SEMA3F: variants seen among roughly 807,000 people sequenced by gnomAD.
The protein encoded by SEMA3F is semaphorin 3F, also known as semaphorin-3F.
In SEMA3F, 30 loss-of-function variants were observed where a neutral mutation model predicts 98.5. That is an observed-to-expected ratio of 0.30 (90% CI 0.23 to 0.41). The LOEUF (loss-of-function observed/expected upper bound fraction) is 0.41, where lower values mean the gene tolerates loss of function less well. Among genes scored for constraint, SEMA3F ranks in the 10% least tolerant of loss-of-function variants. SEMA3F has a pLI of 1.00. For synonymous variants in SEMA3F, 380 were observed against 444.8 expected, an observed-to-expected ratio of 0.85 and a Z score of 1.83; for missense variants, 866 against 1,119.3, an observed-to-expected ratio of 0.77 and a Z score of 3.23.
At chr3:50,164,405 A>C (rs1698327809) in intron 2 of SEMA3F, among the ~76,000 whole-genome samples, 1 of 152,238 alleles carries the variant, frequency 6.6e-6, no homozygotes, top group Non-Finnish European at 1.5e-5. Flanking sequence ...TTCACCCTGC[A>C]GCTTGGGAGA....
chr3:50,171,468 G>A (rs542480809), intron 2 of SEMA3F, among the ~76,000 whole-genome samples: 78 of 152,214 alleles, frequency 5.1e-4, no homozygotes, highest in East Asian at 1.7e-3. Context: ...CGGAGTGCCC[G>A]TGTCTGAAGG....
At chr3:50,173,736 G>A in intron 2 of SEMA3F, 57 bp from the exon 3 acceptor site, 2 of 1,505,368 alleles carry the variant, frequency 1.3e-6, no homozygotes, top group Non-Finnish European at 1.8e-6. Flanking sequence ...TATCAGAGGG[G>A]GTATGGCTGG....
chr3:50,185,536 G>C lies in SEMA3F; in HGVS notation c.1545+5G>C. 1 of 1,613,714 alleles carries C rather than the reference G, an allele frequency of 6.2e-7. No homozygotes were observed. The highest frequency in any genetic ancestry group is 8.5e-7 in the Non-Finnish European group (1 of 1,179,694). ...GAGGAGGTGGAGGTCTTCAAGGTGG[G>C]TGTGACACCACCCAGTCCTGACCTC... On this transcript the variant is annotated splice_donor_5th_base_variant and intron_variant, in intron 14 of 18. Transcript: ENST00000002829.
At position 50,174,062 on chromosome 3, in the gene SEMA3F, C is replaced by A; in HGVS notation, c.284C>A (p.Ala95Glu). The part of the protein sequence containing the change: ...INREPLIIHW[A>E]ASPQRIEECV... ...CCCCCCTCTCTGCAGATACACTGGG[C>A]AGCCTCCCCACAGCGCATCGAGGAA... Residue 95 changes from alanine to glutamate, a missense_variant, in exon 4 of 19, where the codon GCA (alanine) becomes GAA (glutamate). This residue lies in a region of SEMA3F where 247 missense variants were observed against 276.0 expected (regional missense o/e 0.89). Coordinates refer to ENST00000002829, the MANE Select transcript of SEMA3F (RefSeq NM_004186.5). 1 of 1,614,124 alleles carries A rather than the reference C, an allele frequency of 6.2e-7. No individual in the cohort carries two copies. The highest frequency in any genetic ancestry group is 8.5e-7 in the Non-Finnish European group (1 of 1,180,028).
Position 50,183,429 on chromosome 3 carries a change from C to T in SEMA3F, c.1098C>T (p.Phe366=), listed in dbSNP as rs770224184. 3.1e-6 allele frequency: 5 copies of T among 1,614,004 alleles called. No individual in the cohort carries two copies. In the South Asian group the frequency reaches 5.5e-5, roughly 18 times the overall value. Residue 366 remains phenylalanine, a synonymous_variant, in exon 12 of 19, where the codon TTC becomes TTT. Transcript: ENST00000002829. ...YAVFTSSGSV[F]RGSAVCVYSM... is the part of the protein sequence containing the mutation. ...CCTGCCATGCCCACAGCTCCGTGTT[C>T]CGAGGCTCTGCCGTGTGTGTCTACT...
At chr3:50,155,180 G>A, upstream of SEMA3F, 2 of 345,238 alleles carry the variant, frequency 5.8e-6, no homozygotes, top group African/African-American at 2.2e-5. The surrounding 1 kb of genome is among the most constrained non-coding windows in gnomAD (Gnocchi z 4.9). Context: ...GCCCAGCGCG[G>A]CCGCCCGGCC....
chr3:50,178,444 G>A (rs980278321), intron 7 of SEMA3F, among the ~76,000 whole-genome samples: 5 of 151,954 alleles, frequency 3.3e-5, no homozygotes, highest in Non-Finnish European at 7.4e-5. Context: ...AAACCGGCCA[G>A]GCACAGTGGC....
chr3:50,182,291 G>T lies in SEMA3F; in HGVS notation c.651G>T (p.Glu217Asp). 1 of 1,614,094 alleles carries T rather than the reference G, an allele frequency of 6.2e-7. No individual in the cohort carries two copies. Among genetic ancestry groups the T allele is most frequent in the Non-Finnish European group, 8.5e-7 (1 of 1,180,028 alleles). The change falls in exon 8 of 19, where the codon GAG (glutamate) becomes GAT (aspartate). Residue 217 changes from glutamate to aspartate, a missense_variant. By Grantham distance (45) the Glu-to-Asp change is conservative. Around this residue, in one of 3 missense-constraint regions of SEMA3F, gnomAD observed 374 missense variants for 582.8 expected, o/e 0.64. Transcript: ENST00000002829. This position sits in a 1 kb window ranked among gnomAD's most constrained non-coding sequence, Gnocchi z 4.5. Reference sequence around the variant, plus strand: ...CCACTGGCCTACCCACAGATGAGGAGCTCTATGCTGGTGTGTACATCGATT... The same window carrying T: ...CCACTGGCCTACCCACAGATGAGGATCTCTATGCTGGTGTGTACATCGATT... ...LDTASALINE[E>D]LYAGVYIDFM...
upstream of SEMA3F, chr3:50,155,074 C>T (rs1215099495): frequency 8.0e-6 from 3 of 374,632 alleles, no homozygotes; most frequent in African/African-American, 2.2e-5. This position sits in a 1 kb window ranked among gnomAD's most constrained non-coding sequence, Gnocchi z 4.9. Context: ...CCCGTCCCGC[C>T]GGCGGCCGCG....
rs753421778 is a variant in SEMA3F, at chr3:50,186,318, A to G, written c.1783A>G (p.Ile595Val). The G allele has an allele frequency of 6.2e-7, 1 of 1,613,800 alleles. No homozygotes were observed. The highest frequency in any genetic ancestry group is 1.3e-5 in the African/African-American group (1 of 74,910). The change falls in exon 17 of 19, where the codon ATC (isoleucine) becomes GTC (valine). Residue 595 changes from isoleucine (I) to valine (V), a missense_variant. Transcript: ENST00000002829. ...GCAGGACGTCCGGCACGGAAACCCC[A>G]TCAGGCAGTGCCGTGGGTTCAACTC... is the stretch of plus-strand genomic sequence containing the variant. ...RRQDVRHGNP[I>V]RQCRGFNSNA...
chr3:50,183,448 G>A lies in SEMA3F; in HGVS notation c.1117G>A (p.Val373Ile). The A allele has an allele frequency of 6.2e-7, 1 of 1,614,150 alleles. No homozygotes were observed. Among genetic ancestry groups the A allele is most frequent in the Non-Finnish European group, 8.5e-7 (1 of 1,180,030 alleles). ...GSVFRGSAVC[V>I]YSMADIRMVF... Reference sequence around the variant, plus strand: ...CGTGTTCCGAGGCTCTGCCGTGTGTGTCTACTCCATGGCTGATATTCGCAT... The same window carrying A: ...CGTGTTCCGAGGCTCTGCCGTGTGTATCTACTCCATGGCTGATATTCGCAT... Residue 373 changes from valine to isoleucine, a missense_variant, in exon 12 of 19, where the codon GTC becomes ATC. Coordinates refer to ENST00000002829, the MANE Select transcript of SEMA3F (RefSeq NM_004186.5).
At position 50,187,698 on chromosome 3, in the gene SEMA3F, C is replaced by G. The variant is rs1445346521; in HGVS notation, c.1948-7C>G. ...AGCCTCTGAACCCCCTCTCCTTGCC[C>G]CTGCAGATTCGTGCAGAGGACCGCT... On this transcript the variant is annotated splice_polypyrimidine_tract_variant and splice_region_variant and intron_variant, in intron 18 of 18. Transcript: ENST00000002829. 1.9e-6 allele frequency: 3 copies of G among 1,572,804 alleles called. No homozygotes were observed. In the African/African-American group the frequency reaches 4.0e-5, roughly 21 times the overall value.
At chr3:50,159,471 G>A in intron 1 of SEMA3F, 104 bp from the exon 2 acceptor site, 2 of 581,906 alleles carry the variant, frequency 3.4e-6, no homozygotes, top group Non-Finnish European at 6.0e-6. Context: ...CCCCAGGCTG[G>A]GGGTGGAAGC....
intron 7 of SEMA3F, among the ~76,000 whole-genome samples, chr3:50,181,308 G>GTT (rs939566386): frequency 2.8e-5 from 4 of 144,080 alleles, no homozygotes; most frequent in African/African-American, 7.6e-5. Context: ...GTTTTTTTGT[G>GTT]TTTTTTTTTT....
chr3:50,185,751 C>T (rs1361204925), intron 15 of SEMA3F, 44 bp downstream of exon 15: 1 of 1,610,918 alleles, frequency 6.2e-7, no homozygotes, highest in Non-Finnish European at 8.5e-7. Flanking sequence ...ACAGGGCCTG[C>T]ATCCCCTCAG....
intron 7 of SEMA3F, among the ~76,000 whole-genome samples, chr3:50,181,707 G>A (rs950909386): frequency 4.6e-5 from 7 of 150,982 alleles, no homozygotes; most frequent in Non-Finnish European, 1.5e-5. Context: ...TGCAACCTCC[G>A]CCTCCCTGGT....
At position 50,176,623 on chromosome 3, in the gene SEMA3F, T is replaced by G. The variant is rs531078809; in HGVS notation, c.550-145T>G. On this transcript the variant is annotated intron_variant, in intron 6 of 18. Coordinates refer to ENST00000002829, the MANE Select transcript of SEMA3F (RefSeq NM_004186.5). ...CCTGGGAGACCTGGCTGGATGGAGTTTAAGGCCAAGGAATGCTGGGGAGTG... is the reference window on the plus strand; with the variant it reads ...CCTGGGAGACCTGGCTGGATGGAGTGTAAGGCCAAGGAATGCTGGGGAGTG... The G allele has an allele frequency of 7.6e-6, 5 of 657,678 alleles. No individual in the cohort carries two copies. The South Asian group carries it at 8.7e-5, about 11-fold the overall frequency. The allele number at this position is 657,678 out of a possible 1,614,324, so 40.7% of individuals were successfully genotyped here.
Position 50,156,820 on chromosome 3 carries a change from CCCTCGCTGCT to C in SEMA3F, c.-49+1258_-49+1267del, listed in dbSNP as rs563976384. Among the ~76,000 whole-genome samples the C allele has an allele frequency of 6.6e-6, 1 of 152,250 alleles. No homozygotes were observed. Among genetic ancestry groups the C allele is most frequent in the South Asian group, 2.1e-4 (1 of 4,824 alleles). ...AGGCGGCAGCCCACCCAGCCTCAGC[CCCTCGCTGCT>C]CAGCATACCTTGGGGGGAGGATGGA... On this transcript the variant is annotated intron_variant, in intron 1 of 18. Coordinates refer to ENST00000002829, the MANE Select transcript of SEMA3F (RefSeq NM_004186.5). This position sits in a 1 kb window ranked among gnomAD's most constrained non-coding sequence, Gnocchi z 4.5.
Position 50,186,637 on chromosome 3 carries a change from T to A in SEMA3F, c.1838T>A (p.Val613Glu). 1 of 1,605,858 alleles carries A rather than the reference T, an allele frequency of 6.2e-7. No individual in the cohort carries two copies. ...SNANKNAVES[V>E]QYGVAGSAAF... ...GCCAACAAGAATGCCGTGGAGTCTG[T>A]GCAGTATGGCGTGGCCGGCAGCGCA... The change falls in exon 18 of 19, where the codon GTG (valine) becomes GAG (glutamate). Residue 613 changes from valine to glutamate, a missense_variant. Physicochemically the swap from Val to Glu is moderately radical, Grantham distance 121. Transcript: ENST00000002829.
Sources: gnomAD v4.1 joint callset for allele counts (sites outside exome capture counted in the v4.1 genomes callset) on GRCh38, gnomAD v4.1.1 for gene constraint, gnomAD v4.1.1 regional missense constraint, Gnocchi (gnomAD v3.1) non-coding constraint, MANE v1.5 for transcripts, NCBI Gene and HGNC (gene_info 2026-07-23, HGNC 2026-07-21) for gene names.